The following USB1 variants were observed in gnomAD, a reference collection of about 807,000 sequenced individuals.
USB1 encodes the protein U6 snRNA phosphodiesterase 1.
Under a neutral mutation model 29.9 loss-of-function variants are expected in USB1, and 21 were observed. That is an observed-to-expected ratio of 0.70 (90% CI 0.50 to 1.01). The LOEUF (loss-of-function observed/expected upper bound fraction) is 1.01. Among genes scored for constraint, USB1 ranks in the 50% least tolerant of loss-of-function variants. USB1 has a pLI of 0.00. For missense variants in USB1, 330 were observed against 347.1 expected (o/e 0.95, Z 0.39); for synonymous variants, 143 against 134.9 (o/e 1.06, Z -0.42).
In USB1 at chr16:58,010,020, C is replaced by A. The variant is rs1963453450; in HGVS notation, c.357C>A (p.Phe119Leu). 6.2e-7 allele frequency: 1 copy of A among 1,614,004 alleles called. No homozygotes were observed. The highest frequency in any genetic ancestry group is 2.2e-5 in the East Asian group (1 of 44,874). The change falls in exon 3 of 7, where the codon TTC becomes TTA. Residue 119 changes from phenylalanine (F) to leucine (L), a missense_variant. Phe to Leu is a conservative substitution (Grantham distance 22). Transcript: ENST00000219281. ...YVPRLVRMKV[F>L]HLSLSQSVVL... ...CCCGGCTGGTAAGGATGAAGGTGTTCCACCTCAGCCTGTCCCAGAGTGTGG... is the reference window on the plus strand; with the variant it reads ...CCCGGCTGGTAAGGATGAAGGTGTTACACCTCAGCCTGTCCCAGAGTGTGG...
Position 58,010,101 on chromosome 16 carries a change from C to T in USB1, c.438C>T (p.Thr146=). ...PFVQALKARM[T]SFHRFFFTAN... Reference sequence around the variant, plus strand: ...TGCAGGCTCTGAAAGCCCGTATGACCTCCTTCCACAGGTGAGTGCTTCTTC... The same window carrying T: ...TGCAGGCTCTGAAAGCCCGTATGACTTCCTTCCACAGGTGAGTGCTTCTTC... The change falls in exon 3 of 7, where the codon ACC becomes ACT. Residue 146 remains threonine (T), a synonymous_variant. Coordinates refer to ENST00000219281, the MANE Select transcript of USB1 (RefSeq NM_024598.4). The T allele has an allele frequency of 6.2e-7, 1 of 1,614,136 alleles. No individual in the cohort carries two copies. Among genetic ancestry groups the T allele is most frequent in the Non-Finnish European group, 8.5e-7 (1 of 1,180,018 alleles).
In USB1 at chr16:58,001,489, C is replaced by T. The variant is rs753636337; in HGVS notation, c.6C>T (p.Ser2=). The part of the protein sequence containing the change: M[S]AAPLVGYSSS... Reference sequence around the variant, plus strand: ...GTGGTCTTGGATGAGGCCCCATGAGCGCGGCGCCCCTGGTGGGCTACAGCA... The same window carrying T: ...GTGGTCTTGGATGAGGCCCCATGAGTGCGGCGCCCCTGGTGGGCTACAGCA... Residue 2 remains serine (S), a synonymous_variant, in exon 1 of 7, where the codon AGC becomes AGT. Coordinates refer to ENST00000219281, the MANE Select transcript of USB1 (RefSeq NM_024598.4). 6.2e-7 allele frequency: 1 copy of T among 1,600,590 alleles called. No homozygotes were observed. The highest frequency in any genetic ancestry group is 1.3e-5 in the African/African-American group (1 of 74,774).
Position 58,020,336 on chromosome 16 carries a change from C to T in USB1, c.*91C>T. ...ATCGATGGAGATGCTTCTAGCCTCC[C>T]AGTAGGAGGCCCCAGCCATGCCTTC... On this transcript the variant is annotated 3_prime_UTR_variant, in exon 7 of 7. Coordinates refer to ENST00000219281, the MANE Select transcript of USB1 (RefSeq NM_024598.4). The T allele has an allele frequency of 3.2e-6, 4 of 1,243,244 alleles. No individual in the cohort carries two copies. Among genetic ancestry groups the T allele is most frequent in the Non-Finnish European group, 4.7e-6 (4 of 860,104 alleles). 77.0% of individuals were successfully genotyped at this position (1,243,244 alleles called of 1,614,324 possible).
intron 3 of USB1, chr16:58,012,450 T>C (rs1035232172): frequency 5.0e-6 from 6 of 1,190,222 alleles, no homozygotes; most frequent in South Asian, 3.9e-5. Context: ...TGACAAGATA[T>C]CAGATGGCAC....
At chr16:58,001,364 CGCCCCGAGGCGGTGCCAGCCCAG>C (rs1963179994), upstream of USB1, 2 of 1,199,282 alleles carry the variant, frequency 1.7e-6, no homozygotes, top group African/African-American at 1.5e-5. Context: ...CTCCCGGCTC[CGCCCCGAGGCGGTGCCAGCCCAG>C]GCCCCGCCCC....
At chr16:58,004,137 T>C (rs960378871) in intron 2 of USB1, among the ~76,000 whole-genome samples, 2 of 152,248 alleles carry the variant, frequency 1.3e-5, no homozygotes. Context: ...AGGTGGAAGG[T>C]CTGTGTCTAG....
chr16:58,001,565 G>A lies in USB1; in HGVS notation c.82G>A (p.Asp28Asn). The A allele has an allele frequency of 6.2e-7, 1 of 1,608,532 alleles. No individual in the cohort carries two copies. The highest frequency in any genetic ancestry group is 8.5e-7 in the Non-Finnish European group (1 of 1,178,036). Residue 28 changes from aspartate (D) to asparagine (N), a missense_variant, in exon 1 of 7, where the codon GAT becomes AAT. Coordinates refer to ENST00000219281, the MANE Select transcript of USB1 (RefSeq NM_024598.4). ...SEDGMRTRPG[D>N]GSHRRGQSPL... is the part of the protein sequence containing the mutation. ...GGACGGGATGCGGACCAGGCCGGGG[G>A]ATGGGAGCCACCGTCGGTGAGGAGT...
At chr16:58,010,932 T>G (rs1963478123) in intron 3 of USB1, 1 of 697,130 alleles carries the variant, frequency 1.4e-6, no homozygotes, top group Non-Finnish European at 2.6e-6. Flanking sequence ...TAACTCAGTC[T>G]CTAGCTTCCC....
intron 2 of USB1, among the ~76,000 whole-genome samples, chr16:58,004,568 C>T (rs1237582164): frequency 1.3e-5 from 2 of 152,144 alleles, no homozygotes; most frequent in Non-Finnish European, 2.9e-5. Flanking sequence ...GGATGAGCCA[C>T]AGCACTTGGC....
At chr16:58,003,387 A>G (rs920037103) in intron 2 of USB1, among the ~76,000 whole-genome samples, 3 of 152,214 alleles carry the variant, frequency 2.0e-5, no homozygotes, top group African/African-American at 7.2e-5. Flanking sequence ...AGATCGCTCC[A>G]CTGCACTCCA....
intron 2 of USB1, among the ~76,000 whole-genome samples, chr16:58,004,272 A>G (rs569804154): frequency 5.8e-4 from 88 of 152,098 alleles, no homozygotes; most frequent in African/African-American, 2.0e-3. Flanking sequence ...ATGTGGGTCT[A>G]TTTCTGGGTT....
chr16:58,009,926 CA>C lies in USB1; in HGVS notation c.266-2del. 6.2e-7 allele frequency: 1 copy of C among 1,614,066 alleles called. No individual in the cohort carries two copies. Among genetic ancestry groups the C allele is most frequent in the South Asian group, 1.1e-5 (1 of 91,074 alleles). ...GCCCGCCCTCTTTACTCCTCCCCTC[CA>C]GATGAAGCCAAGGAGGAGTTCCTGG... On this transcript the variant is annotated splice_acceptor_variant, in intron 2 of 6. Coordinates refer to ENST00000219281, the MANE Select transcript of USB1 (RefSeq NM_024598.4). LOFTEE classifies it high-confidence loss of function.
At chr16:58,001,658 G>A in intron 1 of USB1, 77 bp downstream of exon 1, 1 of 1,489,552 alleles carries the variant, frequency 6.7e-7, no homozygotes, top group Non-Finnish European at 9.2e-7. Context: ...GTCTGGGGGT[G>A]GAGTGGGGAG....
chr16:58,001,752 C>T (rs1177531580), intron 1 of USB1, among the ~76,000 whole-genome samples, 171 bp downstream of exon 1: 1 of 151,594 alleles, frequency 6.6e-6, no homozygotes, highest in African/African-American at 2.4e-5. Context: ...CCCCCCACCC[C>T]AGACAAAGCT....
In USB1 at chr16:58,021,557, AG is replaced by A; in HGVS notation, c.*1313del. On this transcript the variant is annotated 3_prime_UTR_variant, in exon 7 of 7. Coordinates refer to ENST00000219281, the MANE Select transcript of USB1 (RefSeq NM_024598.4). ...CTTCTGGATTTCTGGTGATGGACAG[AG>A]AAATCTTTTTACAGTTTCAAATTAT... The A allele has an allele frequency of 6.6e-6, 1 of 152,408 alleles. No individual in the cohort carries two copies. Among genetic ancestry groups the A allele is most frequent in the Admixed American group, 6.5e-5 (1 of 15,312 alleles). The allele number at this position is 152,408 out of a possible 1,614,324, so 9.4% of individuals were successfully genotyped here.
At chr16:58,002,786 A>AG in intron 2 of USB1, 141 bp downstream of exon 2, 1 of 1,238,564 alleles carries the variant, frequency 8.1e-7, no homozygotes, top group Non-Finnish European at 1.1e-6. Flanking sequence ...CTTAGCAGAG[A>AG]AAGAGCAGGT....
chr16:58,003,058 G>A (rs1963268131), intron 2 of USB1, among the ~76,000 whole-genome samples: 2 of 152,242 alleles, frequency 1.3e-5, no homozygotes, highest in East Asian at 1.9e-4. Flanking sequence ...ACCTCACTCC[G>A]CTGCCCACTA....
chr16:58,003,222 T>A (rs1963273643), intron 2 of USB1, among the ~76,000 whole-genome samples: 1 of 152,210 alleles, frequency 6.6e-6, no homozygotes. Context: ...CCCAGGTGTT[T>A]GAGACCAGCC....
chr16:58,000,580 G>T (rs1963152995), upstream of USB1: 1 of 150,650 alleles, frequency 6.6e-6, no homozygotes, highest in East Asian at 1.9e-4. The surrounding 1 kb of genome is among the most constrained non-coding windows in gnomAD (Gnocchi z 4.5). Context: ...CGGCCGGAAC[G>T]GAGGAAGCGA....
Sources: gnomAD v4.1 joint callset for allele counts (sites outside exome capture counted in the v4.1 genomes callset) on GRCh38, gnomAD v4.1.1 for gene constraint, Gnocchi (gnomAD v3.1) non-coding constraint, MANE v1.5 for transcripts, NCBI Gene and HGNC (gene_info 2026-07-23, HGNC 2026-07-21) for gene names.